MXRA8: variants seen among roughly 807,000 people sequenced by gnomAD.
The protein encoded by MXRA8 is matrix remodeling associated 8.
A neutral mutation model predicts 51.4 loss-of-function variants in MXRA8; 44 were observed. That is an observed-to-expected ratio of 0.86 (90% CI 0.67 to 1.10). The LOEUF (loss-of-function observed/expected upper bound fraction) is 1.10, where lower values mean the gene tolerates loss of function less well. Ranked by LOEUF, MXRA8 falls within the 50% of genes least tolerant of loss-of-function variation. The pLI, the probability that MXRA8 is intolerant of heterozygous loss-of-function variation, is 0.00. For synonymous variants in MXRA8, 369 were observed against 293.5 expected, an observed-to-expected ratio of 1.26 and a Z score of -2.63; for missense variants, 765 against 638.9, an observed-to-expected ratio of 1.20 and a Z score of -2.13.
rs544436474 is a variant in MXRA8, at chr1:1,358,329, C to T, written c.49+127G>A. The T allele has an allele frequency of 2.8e-5, 31 of 1,095,404 alleles. 1 individual carries two copies. The highest frequency in any genetic ancestry group is 4.8e-4 in the Middle Eastern group (2 of 4,204). The allele number at this position is 1,095,404 out of a possible 1,614,324, so 67.9% of individuals were successfully genotyped here. A position where few individuals can be genotyped will look rare whatever the true frequency, so the allele number is the denominator to read the frequency against. On this transcript the variant is annotated intron_variant, in intron 1 of 9. Transcript: ENST00000309212. ...CGGCTCTCCCGAGCGCCCCCAGACC[C>T]GTCCTCTTCCCTGGTGGGACCTTCC...
At chr1:1,360,069 G>C (rs1207222971), upstream of MXRA8, among the ~76,000 whole-genome samples, 1 of 152,228 alleles carries the variant, frequency 6.6e-6, no homozygotes, top group Non-Finnish European at 1.5e-5. Flanking sequence ...TGGGGGGACA[G>C]GGTTGGCCCT....
Position 1,354,977 on chromosome 1 carries a change from G to A in MXRA8, c.654C>T (p.Arg218=). 6.3e-7 allele frequency: 1 copy of A among 1,596,398 alleles called. No homozygotes were observed. Among genetic ancestry groups the A allele is most frequent in the Non-Finnish European group, 8.5e-7 (1 of 1,172,818 alleles). The change falls in exon 5 of 10, where the codon CGC becomes CGT. Residue 218 remains arginine, a synonymous_variant. Transcript: ENST00000309212. ...DRQPPGVPHD[R]ADRLLDLYAS... ...CGTAGAGGTCCAGCAGGCGGTCCGC[G>A]CGGTCGTGCGGGACCCCGGGCGGCT...
At chr1:1,359,327 C>A, upstream of MXRA8, 1 of 985,352 alleles carries the variant, frequency 1.0e-6, no homozygotes, top group South Asian at 4.7e-5. Context: ...AGAGTGGGAC[C>A]CCTGCCATGG....
At chr1:1,357,217 C>T (rs374876932) in intron 1 of MXRA8, among the ~76,000 whole-genome samples, 1 of 152,226 alleles carries the variant, frequency 6.6e-6, no homozygotes, top group Non-Finnish European at 1.5e-5. Flanking sequence ...CCCACAGGCC[C>T]GCGTTGCTGC....
chr1:1,356,801 G>A, intron 1 of MXRA8, 97 bp from the exon 2 acceptor site: 1 of 1,067,804 alleles, frequency 9.4e-7, no homozygotes, highest in Non-Finnish European at 1.2e-6. Flanking sequence ...TAGTCCCAAA[G>A]TGGATGCTGT....
upstream of MXRA8, among the ~76,000 whole-genome samples, chr1:1,360,771 C>T (rs990155897): frequency 6.6e-5 from 10 of 152,082 alleles, no homozygotes; most frequent in Non-Finnish European, 1.2e-4. Context: ...CCAGGCAGCC[C>T]GTCTCATTGG....
chr1:1,356,690 G>A lies in MXRA8; in HGVS notation c.64C>T (p.Leu22=), dbSNP rs1265724290. Residue 22 remains leucine, a synonymous_variant, in exon 2 of 10, where the codon CTG becomes TTG. Coordinates refer to ENST00000309212, the MANE Select transcript of MXRA8 (RefSeq NM_032348.4). ...LVLLQSSAVL[L]HSGSSVPAAA... Reference sequence around the variant, plus strand: ...GGCTGGGGTCACTAACCTGAGTGCAGGAGAACAGCAGAGCCTGGAAGGAGA... The same window carrying A: ...GGCTGGGGTCACTAACCTGAGTGCAAGAGAACAGCAGAGCCTGGAAGGAGA... The A allele has an allele frequency of 1.4e-6, 2 of 1,430,324 alleles. No individual in the cohort carries two copies. Among genetic ancestry groups the A allele is most frequent in the South Asian group, 1.6e-5 (1 of 63,950 alleles). The allele number at this position is 1,430,324 out of a possible 1,614,324, so 88.6% of individuals were successfully genotyped here. A position where few individuals can be genotyped will look rare whatever the true frequency, so the allele number is the denominator to read the frequency against.
At chr1:1,362,553 G>A (rs1644233573), upstream of MXRA8, among the ~76,000 whole-genome samples, 1 of 152,036 alleles carries the variant, frequency 6.6e-6, no homozygotes, top group Non-Finnish European at 1.5e-5. Context: ...GCCAAGGTGG[G>A]CAGATCACCT....
At position 1,354,185 on chromosome 1, in the gene MXRA8, G is replaced by A. The variant is rs749381778; in HGVS notation, c.1145+8C>T. 8.1e-6 allele frequency: 13 copies of A among 1,612,562 alleles called. No individual in the cohort carries two copies. The highest frequency in any genetic ancestry group is 1.1e-5 in the Non-Finnish European group (13 of 1,179,966). ...GGTCCCCAGGAGGGCCGGGAGGGGG[G>A]CACTCACCCCTTTGACTTTCCCGAC... On this transcript the variant is annotated splice_region_variant and intron_variant, in intron 7 of 9. Transcript: ENST00000309212.
chr1:1,357,074 C>G (rs983020103), intron 1 of MXRA8, among the ~76,000 whole-genome samples: 11 of 152,218 alleles, frequency 7.2e-5, no homozygotes, highest in Non-Finnish European at 5.9e-5. Flanking sequence ...GGCTGTGCCC[C>G]AGCCCCCGAG....
At chr1:1,354,009 C>G (rs751434919) in intron 8 of MXRA8, 21 bp downstream of exon 8, 18 of 1,612,014 alleles carry the variant, frequency 1.1e-5, no homozygotes, top group Non-Finnish European at 1.4e-5. Flanking sequence ...CCTGTGCCCT[C>G]GTGTCCCAGC....
chr1:1,357,351 C>T (rs900080157), intron 1 of MXRA8, among the ~76,000 whole-genome samples: 3 of 152,310 alleles, frequency 2.0e-5, no homozygotes, highest in Admixed American at 2.0e-4. Flanking sequence ...CGTCCTCGAG[C>T]TGATCCACCC....
Position 1,353,850 on chromosome 1 carries a change from T to C in MXRA8, c.1301A>G (p.Lys434Arg). Residue 434 changes from lysine (K) to arginine (R), a missense_variant and splice_region_variant, in exon 9 of 10, where the codon AAA (lysine) becomes AGA (arginine). Coordinates refer to ENST00000309212, the MANE Select transcript of MXRA8 (RefSeq NM_032348.4). The part of the protein sequence containing the change: ...PLPAKYIDLD[K>R]GFRKENCK ...CTGAGGTCGCCCCCGCCGCTCACCT[T>C]TGTCTAGGTCGATGTACTTGGCAGG... 1 of 1,592,454 alleles carries C rather than the reference T, an allele frequency of 6.3e-7. No individual in the cohort carries two copies. Among genetic ancestry groups the C allele is most frequent in the South Asian group, 1.1e-5 (1 of 87,518 alleles).
upstream of MXRA8, chr1:1,361,360 C>T (rs1249359945): frequency 2.7e-5 from 19 of 701,472 alleles, no homozygotes; most frequent in Non-Finnish European, 4.7e-5. Flanking sequence ...CAGCACTAAG[C>T]CGGGTGCCAG....
Position 1,354,825 on chromosome 1 carries a change from G to A in MXRA8, c.806C>T (p.Thr269Ile), listed in dbSNP as rs751359431. The A allele has an allele frequency of 1.9e-6, 3 of 1,612,104 alleles. No homozygotes were observed. Among genetic ancestry groups the A allele is most frequent in the East Asian group, 2.2e-5 (1 of 44,860 alleles). Residue 269 changes from threonine (T) to isoleucine (I), a missense_variant, in exon 5 of 10, where the codon ACC becomes ATC. Thr to Ile is a moderately conservative substitution (Grantham distance 89, BLOSUM62 -1). Coordinates refer to ENST00000309212, the MANE Select transcript of MXRA8 (RefSeq NM_032348.4). ...ATGGTGGTGCAGGTGGCAGGAGTAGGTGCCCTCGTCGGCGACCTCCAGCGG... is the reference window on the plus strand; with the variant it reads ...ATGGTGGTGCAGGTGGCAGGAGTAGATGCCCTCGTCGGCGACCTCCAGCGG... Reference protein sequence around the residue: ...IEPLEVADEGTYSCHLHHHYC... With the variant: ...IEPLEVADEGIYSCHLHHHYC...
Position 1,354,860 on chromosome 1 carries a change from CAGTG to C in MXRA8, c.767_770del (p.Ser256CysfsTer33). On this transcript the variant is annotated frameshift_variant, in exon 5 of 10. Transcript: ENST00000309212. LOFTEE classifies it high-confidence loss of function. Reference sequence around the variant, plus strand: ...CGGCGACCTCCAGCGGCTCGATACGCAGTGAGAAGTCACCGCGCTCAAAGGCATC... The same window carrying C: ...CGGCGACCTCCAGCGGCTCGATACGCAGAAGTCACCGCGCTCAAAGGCATC... 2 of 1,611,942 alleles carry C rather than the reference CAGTG, an allele frequency of 1.2e-6. No homozygotes were observed. The highest frequency in any genetic ancestry group is 1.7e-6 in the Non-Finnish European group (2 of 1,179,618).
chr1:1,358,828 C>T (rs1459459062), upstream of MXRA8: 16 of 1,130,080 alleles, frequency 1.4e-5, no homozygotes. Flanking sequence ...TGTCTCACGT[C>T]TAGGAGCCTC....
chr1:1,362,605 C>T (rs1644233847), upstream of MXRA8, among the ~76,000 whole-genome samples: 1 of 151,802 alleles, frequency 6.6e-6, no homozygotes, highest in Non-Finnish European at 1.5e-5. Flanking sequence ...CATGGTGAAA[C>T]CCTGTCTCTA....
chr1:1,355,247 C>T lies in MXRA8; in HGVS notation c.475G>A (p.Gly159Ser), dbSNP rs1391693089. Residue 159 changes from glycine to serine, a missense_variant, in exon 4 of 10, where the codon GGC becomes AGC. Coordinates refer to ENST00000309212, the MANE Select transcript of MXRA8 (RefSeq NM_032348.4). ...GGGGCGGGGGGGAAGCACTCACGGC[C>T]GTCGGTGACCTCCAGGCGGACGGCC... is the stretch of plus-strand genomic sequence containing the variant. ...SLAVRLEVTD[G>S]PPATPAYWDG... 4 of 1,556,018 alleles carry T rather than the reference C, an allele frequency of 2.6e-6. No individual in the cohort carries two copies. The highest frequency in any genetic ancestry group is 1.9e-5 in the Admixed American group (1 of 52,808).
Sources: allele counts gnomAD v4.1 joint callset (sites outside exome capture counted in the v4.1 genomes callset), GRCh38; gene constraint gnomAD v4.1.1; transcripts MANE v1.5; gene names NCBI Gene and HGNC (gene_info 2026-07-23, HGNC 2026-07-21).